The following ARHGEF9 variants were observed in gnomAD, a reference collection of about 807,000 sequenced individuals.
ARHGEF9 encodes the protein Cdc42 guanine nucleotide exchange factor 9.
A neutral mutation model predicts 41.3 loss-of-function variants in ARHGEF9; 2 were observed. The ratio of observed to expected loss-of-function variants is 0.05; its 90% CI spans 0.02 to 0.15. The LOEUF is 0.15. Ranked by LOEUF, ARHGEF9 falls within the 10% of genes least tolerant of loss-of-function variation. ARHGEF9 has a pLI of 1.00. For synonymous variants in ARHGEF9, 160 were observed against 154.4 expected, an observed-to-expected ratio of 1.04 and a Z score of -0.27; for missense variants, 225 against 424.7, an observed-to-expected ratio of 0.53 and a Z score of 4.13.
At chrX:63,693,780 C>T (rs1331885031) in intron 4 of ARHGEF9, among the ~76,000 whole-genome samples, 2 of 109,751 alleles carry the variant, frequency 1.8e-5, no homozygotes, top group African/African-American at 3.3e-5. Flanking sequence ...GGCAAATAAA[C>T]ACATGAAAAA....
intron 9 of ARHGEF9, chrX:63,640,945 T>C (rs1556305298): frequency 1.8e-5 from 2 of 111,778 alleles, no homozygotes; most frequent in South Asian, 3.8e-4. Flanking sequence ...CACTTCCACA[T>C]GTATGGCACT....
intron 1 of ARHGEF9, among the ~76,000 whole-genome samples, chrX:63,775,622 T>C (rs1556457931): frequency 9.0e-6 from 1 of 111,715 alleles, no homozygotes; most frequent in African/African-American, 3.2e-5. Flanking sequence ...GAGATAAACA[T>C]TGAGTACACA....
intron 1 of ARHGEF9, chrX:63,727,382 A>T (rs781816974): frequency 1.8e-5 from 2 of 111,738 alleles, no homozygotes; most frequent in East Asian, 5.6e-4. Flanking sequence ...CTCAGGTCAC[A>T]AGGCTCAGCT....
chrX:63,697,742 T>C (rs782667840), intron 3 of ARHGEF9, among the ~76,000 whole-genome samples: 4 of 111,493 alleles, frequency 3.6e-5, no homozygotes, highest in Non-Finnish European at 5.7e-5. Context: ...CAGAAAAACT[T>C]CCCACAAGGG....
At chrX:63,657,097 A>C (rs2048921062) in intron 7 of ARHGEF9, 1 of 112,029 alleles carries the variant, frequency 8.9e-6, no homozygotes, top group Non-Finnish European at 1.9e-5. Flanking sequence ...AGTCAGGTTG[A>C]GGAAGGCCCC....
chrX:63,774,723 A>C (rs1556457090), intron 1 of ARHGEF9, among the ~76,000 whole-genome samples: 1 of 111,959 alleles, frequency 8.9e-6, no homozygotes, highest in Non-Finnish European at 1.9e-5. Context: ...TAAAAACCCT[A>C]GAAGATAACA....
intron 8 of ARHGEF9, among the ~76,000 whole-genome samples, chrX:63,650,270 A>C (rs1350250564): frequency 7.2e-5 from 8 of 111,675 alleles, no homozygotes; most frequent in African/African-American, 2.6e-4. Context: ...AAAATATGAA[A>C]TCAACCTAAA....
At chrX:63,768,660 G>A (rs1414845164) in intron 1 of ARHGEF9, among the ~76,000 whole-genome samples, 1 of 112,070 alleles carries the variant, frequency 8.9e-6, no homozygotes, top group African/African-American at 3.2e-5. Flanking sequence ...TGTTAAGGGA[G>A]GGGACAGGTG....
chrX:63,678,105 T>A (rs782713647), intron 5 of ARHGEF9, among the ~76,000 whole-genome samples: 2 of 111,284 alleles, frequency 1.8e-5, no homozygotes, highest in Admixed American at 9.6e-5. Context: ...CTAGGCAGAT[T>A]TCAGATTTTA....
chrX:63,723,994 G>C (rs1556415265), intron 2 of ARHGEF9, among the ~76,000 whole-genome samples: 2 of 112,067 alleles, frequency 1.8e-5, no homozygotes, highest in Admixed American at 1.9e-4. Context: ...TCTAGCGCCT[G>C]GGGGGCAGGG....
rs782311723 is a variant in ARHGEF9 at position 63,744,284 on chromosome X, T to C, written c.31-19573A>G. Among the ~76,000 whole-genome samples the C allele has an allele frequency of 2.4e-4, 27 of 112,550 alleles. No individual in the cohort carries two copies. In the South Asian group the frequency reaches 9.6e-3, roughly 40 times the overall value. On this transcript the variant is annotated intron_variant, in intron 1 of 9. Coordinates refer to ENST00000671741, the MANE Select transcript of ARHGEF9 (RefSeq NM_001353921.2). ...ACCACACAGGTTTCCCAAACAACCC[T>C]TGAAAGACCACAGTGGCTTGCACAT...
intron 1 of ARHGEF9, among the ~76,000 whole-genome samples, chrX:63,747,104 T>C (rs1556434960): frequency 8.9e-6 from 1 of 112,510 alleles, no homozygotes. Flanking sequence ...ATATCTGTAC[T>C]CGTGTTGATC....
intron 4 of ARHGEF9, among the ~76,000 whole-genome samples, chrX:63,695,340 AAT>A (rs1366843060): frequency 8.9e-6 from 1 of 111,925 alleles, no homozygotes; most frequent in African/African-American, 3.2e-5. Flanking sequence ...GTTGCTACAT[AAT>A]ACCTCACAAT....
chrX:63,673,266 C>T (rs1294049949), intron 6 of ARHGEF9, among the ~76,000 whole-genome samples: 1 of 111,010 alleles, frequency 9.0e-6, no homozygotes, highest in Non-Finnish European at 1.9e-5. Context: ...GGGAGCAGAC[C>T]CTACCTCTAT....
intron 1 of ARHGEF9, among the ~76,000 whole-genome samples, chrX:63,784,742 G>A (rs1602767601): frequency 9.1e-6 from 1 of 109,846 alleles, no homozygotes; most frequent in Non-Finnish European, 1.9e-5. Flanking sequence ...CCACAACCCC[G>A]TGCCAGCTTG....
intron 1 of ARHGEF9, among the ~76,000 whole-genome samples, chrX:63,781,547 C>A (rs1327677008): frequency 1.8e-5 from 2 of 111,742 alleles, no homozygotes; most frequent in African/African-American, 6.5e-5. Flanking sequence ...AGCAGGTGAT[C>A]AGAAAGGAGA....
intron 1 of ARHGEF9, among the ~76,000 whole-genome samples, chrX:63,735,546 G>C (rs2054562976): frequency 8.9e-6 from 1 of 111,762 alleles, no homozygotes; most frequent in African/African-American, 3.3e-5. Context: ...GGTAGCGGGA[G>C]GAGCAGGGGA....
chrX:63,729,083 G>A (rs141384476), intron 1 of ARHGEF9, among the ~76,000 whole-genome samples: 2 of 111,791 alleles, frequency 1.8e-5, no homozygotes, highest in East Asian at 2.8e-4. Context: ...GGGTGCAAAC[G>A]TCAATTAAAG....
At chrX:63,784,917 A>AG (rs1556464374) in intron 1 of ARHGEF9, among the ~76,000 whole-genome samples, 199 bp downstream of exon 1, 1 of 111,078 alleles carries the variant, frequency 9.0e-6, no homozygotes, top group Non-Finnish European at 1.9e-5. Context: ...GGGGGATGGT[A>AG]GGGGGGTTTC....
Sources: allele counts gnomAD v4.1 joint callset (sites outside exome capture counted in the v4.1 genomes callset), GRCh38; gene constraint gnomAD v4.1.1; transcripts MANE v1.5; gene names NCBI Gene and HGNC (gene_info 2026-07-23, HGNC 2026-07-21).